The following MYO16 variants were observed in gnomAD, a reference collection of about 807,000 sequenced individuals.
The protein encoded by MYO16 is myosin XVI, also known as unconventional myosin-XVI.
MYO16 carries 94 observed loss-of-function variants against 205.3 expected under a neutral mutation model. The ratio of observed to expected loss-of-function variants is 0.46; its 90% CI spans 0.39 to 0.54. MYO16 has a LOEUF of 0.54. Among genes scored for constraint, MYO16 ranks in the 20% least tolerant of loss-of-function variants. The pLI is 0.00. For synonymous variants in MYO16, 988 were observed against 954.0 expected (o/e 1.04, Z -0.66); for missense variants, 2,315 against 2,387.5 (o/e 0.97, Z 0.63).
At chr13:108,861,888 G>T (rs1456597806) in intron 11 of MYO16, among the ~76,000 whole-genome samples, 1 of 151,710 alleles carries the variant, frequency 6.6e-6, no homozygotes, top group Non-Finnish European at 1.5e-5. Context: ...CCAGTTTATG[G>T]CTTGTATTGT....
chr13:108,502,603 A>G, the MYO16 span, among the ~76,000 whole-genome samples: 41 of 152,340 alleles, frequency 2.7e-4, no homozygotes, highest in African/African-American at 9.1e-4. Context: ...TATTTTAAAA[A>G]TAAACCCAGG....
intron 10 of MYO16, among the ~76,000 whole-genome samples, chr13:108,847,669 G>C (rs1454236777): frequency 6.6e-6 from 1 of 152,006 alleles, no homozygotes; most frequent in Non-Finnish European, 1.5e-5. Flanking sequence ...CTAAAGGCTT[G>C]ATTTGACATT....
chr13:109,114,722 T>C (rs1875586346), intron 28 of MYO16, among the ~76,000 whole-genome samples: 1 of 152,238 alleles, frequency 6.6e-6, no homozygotes, highest in Non-Finnish European at 1.5e-5. Context: ...AAGTGTTTTA[T>C]GTTGTTTTAA....
intron 12 of MYO16, among the ~76,000 whole-genome samples, chr13:108,873,190 T>C (rs1458317745): frequency 1.3e-5 from 2 of 152,206 alleles, no homozygotes; most frequent in South Asian, 2.1e-4. Context: ...TGTTCAAATA[T>C]TTGGGTTTCT....
At chr13:108,866,867 G>A (rs1424738302) in intron 12 of MYO16, among the ~76,000 whole-genome samples, 1 of 152,140 alleles carries the variant, frequency 6.6e-6, no homozygotes, top group Non-Finnish European at 1.5e-5. Flanking sequence ...GGCAGGGAGT[G>A]GGTATATGTT....
At position 108,793,499 on chromosome 13, in the gene MYO16, GCT is replaced by G. The variant is rs1327724612; in HGVS notation, c.617-14_617-13del. On this transcript the variant is annotated splice_polypyrimidine_tract_variant and intron_variant, in intron 5 of 34. Coordinates refer to ENST00000457511, the MANE Select transcript of MYO16 (RefSeq NM_001198950.3). Reference sequence around the variant, plus strand: ...AGTATCTCTCCATTCTGGTTGAAAGGCTCTTTCTCCCCACAGGAGTGGATTTG... The same window carrying G: ...AGTATCTCTCCATTCTGGTTGAAAGGCTTTCTCCCCACAGGAGTGGATTTG... 11 of 1,611,790 alleles carry G rather than the reference GCT, an allele frequency of 6.8e-6. No homozygotes were observed. The highest frequency in any genetic ancestry group is 3.3e-5 in the Admixed American group (2 of 59,848).
At chr13:108,620,986 G>T (rs1217511719) in intron 1 of MYO16, among the ~76,000 whole-genome samples, 1 of 152,114 alleles carries the variant, frequency 6.6e-6, no homozygotes, top group East Asian at 1.9e-4. Context: ...GGCTGTGCCA[G>T]GTACTATCCT....
At chr13:109,173,958 A>G (rs1276626951) in intron 33 of MYO16, among the ~76,000 whole-genome samples, 2 of 119,586 alleles carry the variant, frequency 1.7e-5, no homozygotes, top group East Asian at 2.6e-4. Flanking sequence ...GGGGGGGGGT[A>G]CTCTCTGCTG....
At chr13:108,626,382 C>CTTTCTTTCGAAATGCAAAACAA (rs2139344319), upstream of MYO16, among the ~76,000 whole-genome samples, 1 of 152,292 alleles carries the variant, frequency 6.6e-6, no homozygotes, top group Admixed American at 6.5e-5. Flanking sequence ...AAACAATACC[C>CTTTCTTTCGAAATGCAAAACAA]TCTTTCGAAC....
At chr13:108,783,798 C>T (rs902446480) in intron 4 of MYO16, among the ~76,000 whole-genome samples, 5 of 152,138 alleles carry the variant, frequency 3.3e-5, no homozygotes, top group Admixed American at 1.3e-4. Flanking sequence ...ATTTTACTGA[C>T]GCCTTGTAAG....
At chr13:108,865,964 C>A (rs975533905) in intron 11 of MYO16, among the ~76,000 whole-genome samples, 1 of 151,648 alleles carries the variant, frequency 6.6e-6, no homozygotes, top group Non-Finnish European at 1.5e-5. Context: ...TGAAATAAAG[C>A]CTGTTTTATT....
At chr13:108,657,025 C>T (rs551204583) in intron 1 of MYO16, among the ~76,000 whole-genome samples, 28 of 152,334 alleles carry the variant, frequency 1.8e-4, no homozygotes, top group African/African-American at 6.5e-4. Flanking sequence ...GGCACATACG[C>T]CTGCTGCAGC....
At chr13:109,009,960 G>A (rs1594466312) in intron 22 of MYO16, among the ~76,000 whole-genome samples, 1 of 152,076 alleles carries the variant, frequency 6.6e-6, no homozygotes, top group Non-Finnish European at 1.5e-5. Context: ...TATACGGGAC[G>A]CCTCAGGCAT....
chr13:108,996,591 T>C (rs954215949), intron 21 of MYO16, among the ~76,000 whole-genome samples: 2 of 152,142 alleles, frequency 1.3e-5, no homozygotes, highest in African/African-American at 4.8e-5. Context: ...CATCTGCAAA[T>C]TGCTTCAAAT....
intron 9 of MYO16, among the ~76,000 whole-genome samples, chr13:108,829,431 C>A (rs1047879721): frequency 4.6e-5 from 7 of 152,150 alleles, no homozygotes; most frequent in African/African-American, 1.4e-4. Flanking sequence ...GTAGGCCTTC[C>A]GCTGGGTGCT....
intron 4 of MYO16, among the ~76,000 whole-genome samples, chr13:108,767,135 C>T (rs1345682511): frequency 6.6e-6 from 1 of 152,078 alleles, no homozygotes; most frequent in Non-Finnish European, 1.5e-5. Flanking sequence ...GGGAGTCTCT[C>T]TCTGTCGCCC....
chr13:108,555,591 G>A, the MYO16 span, among the ~76,000 whole-genome samples: 2 of 152,214 alleles, frequency 1.3e-5, no homozygotes, highest in African/African-American at 2.4e-5. Flanking sequence ...CTTTTTTTGT[G>A]TGTGTTGAGA....
chr13:108,955,047 C>G (rs1413444467), intron 16 of MYO16, among the ~76,000 whole-genome samples: 3 of 152,182 alleles, frequency 2.0e-5, no homozygotes, highest in African/African-American at 7.2e-5. Context: ...TCTTAGGTTC[C>G]CACGACCTTC....
intron 1 of MYO16, among the ~76,000 whole-genome samples, chr13:108,635,196 C>T (rs748415596): frequency 6.6e-6 from 1 of 152,170 alleles, no homozygotes; most frequent in Non-Finnish European, 1.5e-5. Context: ...AGGAGTAGCA[C>T]TTCAGATTAC....
Sources: gnomAD v4.1 joint callset for allele counts (sites outside exome capture counted in the v4.1 genomes callset) on GRCh38, gnomAD v4.1.1 for gene constraint, MANE v1.5 for transcripts, NCBI Gene and HGNC (gene_info 2026-07-23, HGNC 2026-07-21) for gene names.